The following SPTBN4 variants were observed in gnomAD, a reference collection of about 807,000 sequenced individuals.
SPTBN4 encodes the protein spectrin beta, non-erythrocytic 4.
Under a neutral mutation model 277.8 loss-of-function variants are expected in SPTBN4, and 96 were observed. The ratio of observed to expected loss-of-function variants is 0.35; its 90% CI spans 0.29 to 0.41. The LOEUF is 0.41. SPTBN4 is among the 10% of genes least tolerant of loss of function. The pLI is 1.00. For missense variants in SPTBN4, 3,006 were observed against 3,595.7 expected, an observed-to-expected ratio of 0.84 and a Z score of 4.19; for synonymous variants, 1,481 against 1,580.3, an observed-to-expected ratio of 0.94 and a Z score of 1.49.
chr19:40,556,160 G>C lies in SPTBN4; in HGVS notation c.5161G>C (p.Val1721Leu), dbSNP rs1198126638. 6.2e-7 allele frequency: 1 copy of C among 1,613,374 alleles called. No individual in the cohort carries two copies. Among genetic ancestry groups the C allele is most frequent in the Admixed American group, 1.7e-5 (1 of 60,012 alleles). The stretch of plus-strand genomic sequence containing the variant: ...CAAGGAGCTGGGTGAGGAGCGCCGG[G>C]TGGCTCTGGAACAGCAGTACTGGCT... ...ALKELGEERRVALEQQYWLYQ... is the reference protein window; with the variant it reads ...ALKELGEERRLALEQQYWLYQ... The change falls in exon 25 of 36, where the codon GTG (valine) becomes CTG (leucine). Residue 1721 changes from valine to leucine, a missense_variant. This residue lies in a region of SPTBN4 where 425 missense variants were observed against 594.7 expected (regional missense o/e 0.71). Coordinates refer to ENST00000598249, the MANE Select transcript of SPTBN4 (RefSeq NM_020971.3).
At chr19:40,525,666 C>T (rs894168179) in intron 17 of SPTBN4, among the ~76,000 whole-genome samples, 2 of 152,168 alleles carry the variant, frequency 1.3e-5, no homozygotes, top group Non-Finnish European at 2.9e-5. Flanking sequence ...GTACTGAGCC[C>T]GTGCTCTGTA....
chr19:40,568,449 C>T (rs2081119271), intron 31 of SPTBN4, among the ~76,000 whole-genome samples, 167 bp downstream of exon 31: 1 of 152,174 alleles, frequency 6.6e-6, no homozygotes, highest in African/African-American at 2.4e-5. Flanking sequence ...GCAAGATAAT[C>T]GATGTGCCCA....
At chr19:40,544,192 G>C (rs1036195017) in intron 20 of SPTBN4, among the ~76,000 whole-genome samples, 1 of 150,286 alleles carries the variant, frequency 6.7e-6, no homozygotes, top group Admixed American at 6.7e-5. Flanking sequence ...GCCAAAGCCG[G>C]AGCGCAATGG....
chr19:40,537,463 T>C (rs1226463379), intron 20 of SPTBN4, among the ~76,000 whole-genome samples: 3 of 152,204 alleles, frequency 2.0e-5, no homozygotes, highest in Non-Finnish European at 4.4e-5. Context: ...AATAACATCT[T>C]AGTATTTTTA....
intron 17 of SPTBN4, among the ~76,000 whole-genome samples, chr19:40,526,427 T>TC (rs1334678110): frequency 1.3e-5 from 2 of 151,874 alleles, no homozygotes; most frequent in African/African-American, 4.8e-5. Flanking sequence ...CTGCCTCGGC[T>TC]CCCCAAAGTG....
At chr19:40,491,037 C>T (rs2080130307) in intron 4 of SPTBN4, among the ~76,000 whole-genome samples, 1 of 151,296 alleles carries the variant, frequency 6.6e-6, no homozygotes, top group African/African-American at 2.4e-5. Flanking sequence ...GAGACCATGA[C>T]TTAAAAGAAA....
chr19:40,570,599 G>C lies in SPTBN4; in HGVS notation c.7190G>C (p.Arg2397Pro). 7.2e-7 allele frequency: 1 copy of C among 1,380,736 alleles called. No homozygotes were observed. Among genetic ancestry groups the C allele is most frequent in the South Asian group, 1.7e-5 (1 of 60,100 alleles). The allele number at this position is 1,380,736 out of a possible 1,614,324, so 85.5% of individuals were successfully genotyped here. The change falls in exon 33 of 36, where the codon CGC becomes CCC. Residue 2397 changes from arginine to proline, a missense_variant. Coordinates refer to ENST00000598249, the MANE Select transcript of SPTBN4 (RefSeq NM_020971.3). Reference sequence around the variant, plus strand: ...GGTGGTGAGGGCGGGGGAAGCCGGCGCTCGCGCTCCGCCCCGGCCCAGGGC... The same window carrying C: ...GGTGGTGAGGGCGGGGGAAGCCGGCCCTCGCGCTCCGCCCCGGCCCAGGGC... ...REGGEGGGSR[R>P]SRSAPAQGGS...
Position 40,554,032 on chromosome 19 carries a change from C to A in SPTBN4, c.4675-115C>A. On this transcript the variant is annotated intron_variant, in intron 22 of 35. Coordinates refer to ENST00000598249, the MANE Select transcript of SPTBN4 (RefSeq NM_020971.3). This position sits in a 1 kb window ranked among gnomAD's most constrained non-coding sequence, Gnocchi z 5.7. ...ATGGTCTTGGCACGTGGTTAGCGAG[C>A]TGGGGGTGCTTGTTAATTGCCCCGT... 4 of 1,076,548 alleles carry A rather than the reference C, an allele frequency of 3.7e-6. No homozygotes were observed. Among genetic ancestry groups the A allele is most frequent in the Non-Finnish European group, 5.0e-6 (4 of 801,854 alleles). 66.7% of individuals were successfully genotyped at this position (1,076,548 alleles called of 1,614,324 possible). A position where few individuals can be genotyped will look rare whatever the true frequency, so the allele number is the denominator to read the frequency against.
chr19:40,547,373 G>C (rs2080870318), intron 20 of SPTBN4, among the ~76,000 whole-genome samples: 1 of 152,006 alleles, frequency 6.6e-6, no homozygotes, highest in African/African-American at 2.4e-5. Context: ...CCTTCTTTAT[G>C]GCTGCATAGT....
chr19:40,512,927 C>A lies in SPTBN4; in HGVS notation c.2138C>A (p.Ala713Glu), dbSNP rs1305944879. The change falls in exon 14 of 36, where the codon GCG becomes GAG. Residue 713 changes from alanine (A) to glutamate (E), a missense_variant. Coordinates refer to ENST00000598249, the MANE Select transcript of SPTBN4 (RefSeq NM_020971.3). ...ILQGELGGRR[A>E]LLQQALRCGE... ...CAGGGCGAGCTGGGCGGGCGGCGAG[C>A]GTTGCTGCAGCAGGCCCTGCGGTGT... 1 of 1,425,396 alleles carries A rather than the reference C, an allele frequency of 7.0e-7. No homozygotes were observed. The highest frequency in any genetic ancestry group is 1.5e-5 in the South Asian group (1 of 68,926). 88.3% of individuals were successfully genotyped at this position (1,425,396 alleles called of 1,614,324 possible). A position where few individuals can be genotyped will look rare whatever the true frequency, so the allele number is the denominator to read the frequency against.
Position 40,490,258 on chromosome 19 carries a change from G to T in SPTBN4, c.495+10G>T, listed in dbSNP as rs779020957. The T allele has an allele frequency of 1.2e-6, 2 of 1,610,628 alleles. No homozygotes were observed. Among genetic ancestry groups the T allele is most frequent in the African/African-American group, 1.3e-5 (1 of 74,954 alleles). On this transcript the variant is annotated intron_variant, in intron 4 of 35. Coordinates refer to ENST00000598249, the MANE Select transcript of SPTBN4 (RefSeq NM_020971.3). The surrounding 1 kb of genome is among the most constrained non-coding windows in gnomAD (Gnocchi z 4.3). ...CATCCTGCGCTTCCAGGTGACCCTCGAGTGGCCCCTGCCAAGCCCCGCAAC... is the reference window on the plus strand; with the variant it reads ...CATCCTGCGCTTCCAGGTGACCCTCTAGTGGCCCCTGCCAAGCCCCGCAAC...
Position 40,557,056 on chromosome 19 carries a change from G to C in SPTBN4, c.5323G>C (p.Glu1775Gln). Reference sequence around the variant, plus strand: ...GGAGAAATTCTCAGAGTTTGCCAGCGAGACAGGTATGGCAGGGCGGGAACG... The same window carrying C: ...GGAGAAATTCTCAGAGTTTGCCAGCCAGACAGGTATGGCAGGGCGGGAACG... ...LQEKFSEFAS[E>Q]TGMAGRERLA... The change falls in exon 26 of 36, where the codon GAG becomes CAG. Residue 1775 changes from glutamate (E) to glutamine (Q), a missense_variant. Transcript: ENST00000598249. 6 of 1,553,012 alleles carry C rather than the reference G, an allele frequency of 3.9e-6. No homozygotes were observed. The highest frequency in any genetic ancestry group is 5.2e-6 in the Non-Finnish European group (6 of 1,143,932).
rs377199238 is a variant in SPTBN4, at chr19:40,506,326, G to A, written c.1756G>A (p.Ala586Thr). The change falls in exon 13 of 36, where the codon GCC (alanine) becomes ACC (threonine). Residue 586 changes from alanine to threonine, a missense_variant. Transcript: ENST00000598249. Reference sequence around the variant, plus strand: ...TGGACTGCTGGAGGGAGACATTGCCGCCCAGAGCGAGCGGGTGGAGGCTCT... The same window carrying A: ...TGGACTGCTGGAGGGAGACATTGCCACCCAGAGCGAGCGGGTGGAGGCTCT... Reference protein sequence around the residue: ...KHGLLEGDIAAQSERVEALNA... With the variant: ...KHGLLEGDIATQSERVEALNA... 61 of 1,614,136 alleles carry A rather than the reference G, an allele frequency of 3.8e-5. No homozygotes were observed. Among genetic ancestry groups the A allele is most frequent in the Admixed American group, 6.7e-5 (4 of 60,016 alleles).
rs146837860 is a variant in SPTBN4 at position 40,567,803 on chromosome 19, C to T, written c.6477C>T (p.Pro2159=). The T allele has an allele frequency of 0.016, 24,777 of 1,508,834 alleles. 281 individuals are homozygous for T. Among genetic ancestry groups the T allele is most frequent in the South Asian group, 0.034 (2,769 of 80,290 alleles). The allele number at this position is 1,508,834 out of a possible 1,614,324, so 93.5% of individuals were successfully genotyped here. A position where few individuals can be genotyped will look rare whatever the true frequency, so the allele number is the denominator to read the frequency against. The change falls in exon 31 of 36, where the codon CCC becomes CCT. Residue 2159 remains proline, a synonymous_variant. Transcript: ENST00000598249. ...RPGGYERGLE[P]LARRASDTLS... ...GGGGCTATGAAAGGGGCTTGGAGCC[C>T]CTGGCCCGCCGAGCCTCGGACACGC...
At position 40,512,821 on chromosome 19, in the gene SPTBN4, GCAGCGGGCGCAGCGGGAA is replaced by G; in HGVS notation, c.2042_2059del (p.Ala681_Gly686del). Reference sequence around the variant, plus strand: ...TGCGGGCGGCGGCGGTGCGGCGGGCGCAGCGGGCGCAGCGGGAACAGCGGGCGGCGCGCATGACCTGTC... The same window carrying G: ...TGCGGGCGGCGGCGGTGCGGCGGGCGCAGCGGGCGGCGCGCATGACCTGTC... On this transcript the variant is annotated inframe_deletion, in exon 14 of 36. Transcript: ENST00000598249. 3 of 1,445,154 alleles carry G rather than the reference GCAGCGGGCGCAGCGGGAA, an allele frequency of 2.1e-6. No homozygotes were observed. Among genetic ancestry groups the G allele is most frequent in the Middle Eastern group, 2.5e-4 (1 of 4,044 alleles). 89.5% of individuals were successfully genotyped at this position (1,445,154 alleles called of 1,614,324 possible).
At position 40,554,192 on chromosome 19, in the gene SPTBN4, G is replaced by A; in HGVS notation, c.4720G>A (p.Val1574Met). 1 of 1,477,988 alleles carries A rather than the reference G, an allele frequency of 6.8e-7. No individual in the cohort carries two copies. The highest frequency in any genetic ancestry group is 8.9e-7 in the Non-Finnish European group (1 of 1,127,172). The allele number at this position is 1,477,988 out of a possible 1,614,324, so 91.6% of individuals were successfully genotyped here. The part of the protein sequence containing the change: ...IQAHGPRLEE[V>M]LERAGALASL... ...GGCGCATGGGCCGCGCCTGGAGGAG[G>A]TGCTGGAGCGCGCGGGCGCGCTGGC... Residue 1574 changes from valine (V) to methionine (M), a missense_variant, in exon 23 of 36, where the codon GTG becomes ATG. This residue lies in a region of SPTBN4 where 1,759 missense variants were observed against 2,061.5 expected (regional missense o/e 0.85). Coordinates refer to ENST00000598249, the MANE Select transcript of SPTBN4 (RefSeq NM_020971.3). This position sits in a 1 kb window ranked among gnomAD's most constrained non-coding sequence, Gnocchi z 5.7.
In SPTBN4 at chr19:40,502,925, G is replaced by A. The variant is rs1413197545; in HGVS notation, c.1354G>A (p.Val452Ile). The change falls in exon 11 of 36, where the codon GTC becomes ATC. Residue 452 changes from valine to isoleucine, a missense_variant. Physicochemically the swap from Val to Ile is conservative, Grantham distance 29. This residue lies in a region of SPTBN4 where 1,759 missense variants were observed against 2,061.5 expected (regional missense o/e 0.85). Transcript: ENST00000598249. The surrounding 1 kb of genome is among the most constrained non-coding windows in gnomAD (Gnocchi z 4.9). ...CTGGCTGAATGAGAACCAGCGTCTGGTCTCCCAGGTACAAGGTGTAGGGCT... is the reference window on the plus strand; with the variant it reads ...CTGGCTGAATGAGAACCAGCGTCTGATCTCCCAGGTACAAGGTGTAGGGCT... ...ESWLNENQRL[V>I]SQDNFGYELP... 1 of 1,613,666 alleles carries A rather than the reference G, an allele frequency of 6.2e-7. No homozygotes were observed. The highest frequency in any genetic ancestry group is 1.1e-5 in the South Asian group (1 of 91,072).
intron 14 of SPTBN4, among the ~76,000 whole-genome samples, chr19:40,514,597 G>T (rs2080432802): frequency 1.3e-5 from 2 of 152,332 alleles, no homozygotes; most frequent in African/African-American, 2.4e-5. Context: ...TGAGTCAGGT[G>T]GGTGTGAATA....
chr19:40,490,567 G>A lies in SPTBN4; in HGVS notation c.495+319G>A, dbSNP rs2080125739. Reference sequence around the variant, plus strand: ...GAAGCCCAGATAGGTGGTGTCATCTGCCCAAGATCACATATACCTGGGTGT... The same window carrying A: ...GAAGCCCAGATAGGTGGTGTCATCTACCCAAGATCACATATACCTGGGTGT... On this transcript the variant is annotated intron_variant, in intron 4 of 35. Transcript: ENST00000598249. The surrounding 1 kb of genome is among the most constrained non-coding windows in gnomAD (Gnocchi z 4.3). 6.6e-6 allele frequency among the ~76,000 whole-genome samples: 1 copy of A among 152,132 alleles called. No individual in the cohort carries two copies. The highest frequency in any genetic ancestry group is 6.6e-5 in the Admixed American group (1 of 15,246).
Sources: gnomAD v4.1 joint callset for allele counts (sites outside exome capture counted in the v4.1 genomes callset) on GRCh38, gnomAD v4.1.1 for gene constraint, gnomAD v4.1.1 regional missense constraint, Gnocchi (gnomAD v3.1) non-coding constraint, MANE v1.5 for transcripts, NCBI Gene and HGNC (gene_info 2026-07-23, HGNC 2026-07-21) for gene names.